Variants in OPCML observed in about 807,000 individuals in gnomAD.
OPCML encodes opioid-binding protein/cell adhesion molecule.
A neutral mutation model predicts 37.8 loss-of-function variants in OPCML; 13 were observed. The observed-to-expected ratio is 0.34, with a 90% CI of 0.22 to 0.55. OPCML has a LOEUF of 0.55. Among genes scored for constraint, OPCML ranks in the 20% least tolerant of loss-of-function variants. The probability of loss-of-function intolerance (pLI) is 0.91; values close to 1 mark genes in which losing one functional copy is unlikely to be tolerated. For synonymous variants in OPCML, 176 were observed against 168.8 expected (o/e 1.04, Z -0.33); for missense variants, 341 against 435.6 (o/e 0.78, Z 1.93).
At chr11:132,919,282 G>A (rs998979071) in intron 2 of OPCML, among the ~76,000 whole-genome samples, 2 of 152,152 alleles carry the variant, frequency 1.3e-5, no homozygotes, top group Admixed American at 1.3e-4. Flanking sequence ...TTCTCAGAGA[G>A]GGGTCCTTGG....
intron 3 of OPCML, among the ~76,000 whole-genome samples, chr11:132,644,236 G>A (rs1941022186): frequency 6.6e-6 from 1 of 151,854 alleles, no homozygotes; most frequent in South Asian, 2.1e-4. Flanking sequence ...AAATAGCTGG[G>A]TGTGGTGGCA....
intron 1 of OPCML, among the ~76,000 whole-genome samples, chr11:133,288,953 A>C (rs1460160697): frequency 5.3e-5 from 8 of 152,124 alleles, no homozygotes; most frequent in African/African-American, 1.9e-4. Context: ...TAGCCAGCAC[A>C]GTGCTGGGCC....
At chr11:133,109,586 G>A (rs1249885223) in intron 1 of OPCML, among the ~76,000 whole-genome samples, 1 of 152,120 alleles carries the variant, frequency 6.6e-6, no homozygotes, top group African/African-American at 2.4e-5. Context: ...TCACTGATAG[G>A]TGCATTTTAC....
chr11:132,980,197 G>T (rs1365372287), intron 1 of OPCML, among the ~76,000 whole-genome samples: 2 of 152,114 alleles, frequency 1.3e-5, no homozygotes, highest in Non-Finnish European at 2.9e-5. Flanking sequence ...GAGTAGATGG[G>T]GTATTTCCTG....
At chr11:133,342,928 G>C (rs981757740) in intron 1 of OPCML, among the ~76,000 whole-genome samples, 4 of 152,084 alleles carry the variant, frequency 2.6e-5, no homozygotes, top group African/African-American at 7.2e-5. Context: ...TTGGAAACAG[G>C]GTCTTGCTTT....
chr11:133,502,270 C>T (rs1208570911), intron 1 of OPCML, among the ~76,000 whole-genome samples: 1 of 152,310 alleles, frequency 6.6e-6, no homozygotes, highest in South Asian at 2.1e-4. Flanking sequence ...CGCCATACAG[C>T]AGCGGCTTAG....
rs778116200 is a variant in OPCML, at chr11:133,499,874, A to ATT, written c.61+32388_61+32389dup. 4.2e-3 allele frequency among the ~76,000 whole-genome samples: 509 copies of ATT among 120,238 alleles called. 5 individuals carry two copies. The highest frequency in any genetic ancestry group is 0.018 in the African/African-American group (486 of 27,266). The allele number at this position is 120,238 out of a possible 152,430, so 78.9% of individuals were successfully genotyped here. On this transcript the variant is annotated intron_variant, in intron 1 of 7. Transcript: ENST00000524381. ...TATACATACACATATATATATATATATTTTTTTTTTTTTTTGAAAGGGAGT... is the reference window on the plus strand; with the variant it reads ...TATACATACACATATATATATATATATTTTTTTTTTTTTTTTTGAAAGGGAGT...
intron 4 of OPCML, among the ~76,000 whole-genome samples, chr11:132,514,876 C>G (rs1362573843): frequency 2.0e-5 from 3 of 152,066 alleles, no homozygotes; most frequent in Non-Finnish European, 4.4e-5. Flanking sequence ...AAAAGTGGCT[C>G]AGATCTTCAC....
intron 1 of OPCML, among the ~76,000 whole-genome samples, chr11:133,318,242 C>T (rs1943249725): frequency 6.6e-6 from 1 of 152,154 alleles, no homozygotes; most frequent in Non-Finnish European, 1.5e-5. Context: ...TATTTAGGCT[C>T]CTAGACCCTC....
chr11:132,505,889 GA>G (rs11422533), intron 4 of OPCML, among the ~76,000 whole-genome samples: 1,771 of 139,544 alleles, frequency 0.013, 18 homozygotes, highest in African/African-American at 0.033. Flanking sequence ...CACTTTCTGC[GA>G]AAAAAAAAAA....
intron 4 of OPCML, among the ~76,000 whole-genome samples, chr11:132,474,463 C>T (rs61908175): frequency 1.0e-3 from 157 of 152,240 alleles, no homozygotes; most frequent in Middle Eastern, 3.4e-3. Flanking sequence ...CTGTCCTCTT[C>T]AGTCCTTGCT....
At chr11:133,261,874 T>C (rs893297917) in intron 1 of OPCML, among the ~76,000 whole-genome samples, 2 of 152,170 alleles carry the variant, frequency 1.3e-5, no homozygotes, top group African/African-American at 4.8e-5. Flanking sequence ...GCAATGGCTG[T>C]GCAGGCTAAC....
intron 1 of OPCML, among the ~76,000 whole-genome samples, chr11:133,495,814 G>A (rs936249855): frequency 5.9e-5 from 9 of 152,120 alleles, no homozygotes; most frequent in Non-Finnish European, 1.2e-4. Context: ...TTTGTAAGAT[G>A]TATAGATTGT....
intron 2 of OPCML, among the ~76,000 whole-genome samples, chr11:132,799,731 T>A (rs529104566): frequency 6.6e-6 from 1 of 151,820 alleles, no homozygotes; most frequent in Non-Finnish European, 1.5e-5. Context: ...GATCTTCTAC[T>A]TGTAAAAAAA....
intron 1 of OPCML, among the ~76,000 whole-genome samples, chr11:132,997,923 C>T (rs532293374): frequency 3.3e-5 from 5 of 151,928 alleles, no homozygotes; most frequent in Non-Finnish European, 7.4e-5. Context: ...GTCCCTAACT[C>T]GTTGGTTTTA....
At chr11:132,814,086 G>T (rs1374752732) in intron 2 of OPCML, among the ~76,000 whole-genome samples, 2 of 152,188 alleles carry the variant, frequency 1.3e-5, no homozygotes, top group Admixed American at 1.3e-4. Flanking sequence ...GTGAATGATG[G>T]ATGAATGACA....
intron 3 of OPCML, among the ~76,000 whole-genome samples, chr11:132,633,002 G>A (rs1242740617): frequency 6.6e-6 from 1 of 150,870 alleles, no homozygotes; most frequent in Non-Finnish European, 1.5e-5. Context: ...AGTGCCTCAT[G>A]ACAAGTGAGT....
intron 1 of OPCML, among the ~76,000 whole-genome samples, chr11:133,474,840 C>A (rs1287448409): frequency 1.3e-5 from 2 of 152,158 alleles, no homozygotes; most frequent in Non-Finnish European, 1.5e-5. Context: ...TGTGCTGGGG[C>A]ACTGGCCTTT....
chr11:133,176,296 C>T (rs1388900088), intron 1 of OPCML, among the ~76,000 whole-genome samples: 1 of 150,160 alleles, frequency 6.7e-6, no homozygotes, highest in Admixed American at 6.6e-5. Context: ...GGTAATGAGG[C>T]TGCATCAGGA....
Sources: allele counts gnomAD v4.1 joint callset (sites outside exome capture counted in the v4.1 genomes callset), GRCh38; gene constraint gnomAD v4.1.1; transcripts MANE v1.5; gene names NCBI Gene and HGNC (gene_info 2026-07-23, HGNC 2026-07-21).